Variants in MRC1 observed in about 807,000 individuals in gnomAD.
MRC1 encodes the protein macrophage mannose receptor 1.
Under a neutral mutation model 102.9 loss-of-function variants are expected in MRC1, and 62 were observed. The observed-to-expected ratio is 0.60, with a 90% CI of 0.49 to 0.74. The LOEUF (loss-of-function observed/expected upper bound fraction) is 0.74. Among genes scored for constraint, MRC1 ranks in the 30% least tolerant of loss-of-function variants. The pLI is 0.00. For synonymous variants in MRC1, 457 were observed against 298.4 expected (o/e 1.53, Z -5.48); for missense variants, 1,237 against 862.8 (o/e 1.43, Z -5.43).
intron 4 of MRC1, among the ~76,000 whole-genome samples, chr10:17,835,210 C>G (rs781871441): frequency 0.038 from 5,768 of 152,288 alleles, 140 homozygotes; most frequent in Non-Finnish European, 0.051. Flanking sequence ...AAATGCAATT[C>G]TATTTCCATC....
chr10:17,903,509 T>C (rs1376534214), intron 26 of MRC1, among the ~76,000 whole-genome samples: 1 of 150,808 alleles, frequency 6.6e-6, no homozygotes, highest in East Asian at 2.0e-4. Flanking sequence ...AGTTCTTCTG[T>C]CTCAGCCTCC....
intron 4 of MRC1, among the ~76,000 whole-genome samples, chr10:17,835,674 T>C (rs921996595): frequency 4.5e-4 from 68 of 152,144 alleles, no homozygotes; most frequent in African/African-American, 1.6e-3. Context: ...CATGTTAACA[T>C]GCAACAAAAT....
At chr10:17,897,918 G>A (rs1833777720) in intron 23 of MRC1, 116 bp from the exon 24 acceptor site, 3 of 762,208 alleles carry the variant, frequency 3.9e-6, no homozygotes, top group South Asian at 1.4e-5. Context: ...ACAGCTGAAT[G>A]TTTGGAGTTA....
At chr10:17,901,370 A>G (rs1302761708) in intron 25 of MRC1, among the ~76,000 whole-genome samples, 1 of 152,202 alleles carries the variant, frequency 6.6e-6, no homozygotes, top group African/African-American at 2.4e-5. Flanking sequence ...TCACTTTACA[A>G]ATTACTTTGT....
chr10:17,868,659 A>G (rs1833313107), intron 12 of MRC1, among the ~76,000 whole-genome samples: 1 of 152,226 alleles, frequency 6.6e-6, no homozygotes, highest in Non-Finnish European at 1.5e-5. Flanking sequence ...GCATATGGCC[A>G]TGACATGCCC....
At position 17,894,256 on chromosome 10, in the gene MRC1, A is replaced by G; in HGVS notation, c.3194A>G (p.Lys1065Arg). 1 of 872,686 alleles carries G rather than the reference A, an allele frequency of 1.1e-6. No individual in the cohort carries two copies. The highest frequency in any genetic ancestry group is 2.0e-6 in the Non-Finnish European group (1 of 501,506). The allele number at this position is 872,686 out of a possible 1,614,324, so 54.1% of individuals were successfully genotyped here. The change falls in exon 23 of 30, where the codon AAA becomes AGA. Residue 1065 changes from lysine (K) to arginine (R), a missense_variant. Physicochemically the swap from Lys to Arg is conservative, Grantham distance 26 (BLOSUM62 2). Coordinates refer to ENST00000569591, the MANE Select transcript of MRC1 (RefSeq NM_002438.4). ...IIGGASNEAG[K>R]WMDDTCDSKR... ...GGAGGTGCATCAAATGAAGCAGGAA[A>G]ATGGATGGATGATACCTGCGACAGT...
Position 17,881,094 on chromosome 10 carries a change from G to T in MRC1, c.2893G>T (p.Glu965Ter). The change falls in exon 21 of 30, where the codon GAA becomes TAA. Residue 965 changes from glutamate to a stop codon, truncating the protein, a stop_gained. Transcript: ENST00000569591. LOFTEE classifies it high-confidence loss of function. ...TTTCAAAATCTTTGGATTTATGGAA[G>T]AAGAAAGAAAAAATTGGCAAGAGGC... ...KCFKIFGFME[E>*]ERKNWQEARK... 1 of 780,710 alleles carries T rather than the reference G, an allele frequency of 1.3e-6. No individual in the cohort carries two copies. Among genetic ancestry groups the T allele is most frequent in the Non-Finnish European group, 2.4e-6 (1 of 417,926 alleles). 48.4% of individuals were successfully genotyped at this position (780,710 alleles called of 1,614,324 possible).
At chr10:17,832,983 T>C (rs536641141) in intron 3 of MRC1, among the ~76,000 whole-genome samples, 208 of 152,234 alleles carry the variant, frequency 1.4e-3, no homozygotes, top group Non-Finnish European at 2.1e-3. Flanking sequence ...ACTGTGAACA[T>C]TGTACCCAAT....
chr10:17,841,766 A>T (rs1167834508), intron 5 of MRC1, among the ~76,000 whole-genome samples: 1 of 141,186 alleles, frequency 7.1e-6, no homozygotes, highest in Non-Finnish European at 1.5e-5. Context: ...TTTAGGAAAG[A>T]GTGCAATTAA....
intron 9 of MRC1, 126 bp downstream of exon 9, chr10:17,856,478 A>G: frequency 1.5e-6 from 1 of 685,720 alleles, no homozygotes; most frequent in East Asian, 2.7e-5. Flanking sequence ...CTCAGTCTTC[A>G]ATAGTTTATT....
chr10:17,882,923 G>T (rs1363663650), intron 21 of MRC1, among the ~76,000 whole-genome samples: 3 of 152,162 alleles, frequency 2.0e-5, no homozygotes, highest in African/African-American at 7.2e-5. Context: ...ATAGAGATGT[G>T]CAGAAGGAAA....
intron 3 of MRC1, among the ~76,000 whole-genome samples, chr10:17,833,414 G>A (rs1389631908): frequency 3.3e-5 from 5 of 151,342 alleles, no homozygotes; most frequent in Non-Finnish European, 5.9e-5. Flanking sequence ...CCAGCTACTC[G>A]GTAAACTGAG....
chr10:17,870,169 CA>C (rs1160221247), intron 12 of MRC1, 76 bp from the exon 13 acceptor site: 1 of 729,308 alleles, frequency 1.4e-6, no homozygotes, highest in African/African-American at 1.8e-5. Flanking sequence ...GAACTCTCAT[CA>C]AAAGTAAATA....
intron 4 of MRC1, among the ~76,000 whole-genome samples, chr10:17,837,028 A>G (rs1017342433): frequency 2.0e-5 from 3 of 152,160 alleles, no homozygotes; most frequent in Non-Finnish European, 2.9e-5. Context: ...ACAGAGAAGG[A>G]GCAAGTGATC....
chr10:17,871,513 G>A (rs1305128743), intron 14 of MRC1, among the ~76,000 whole-genome samples: 1 of 152,150 alleles, frequency 6.6e-6, no homozygotes, highest in Non-Finnish European at 1.5e-5. Context: ...TTTAGTAGCT[G>A]TTAGCAATAT....
chr10:17,847,583 CA>C (rs1277817505), intron 6 of MRC1, among the ~76,000 whole-genome samples: 1 of 152,234 alleles, frequency 6.6e-6, no homozygotes, highest in African/African-American at 2.4e-5. Context: ...AATTCAACCT[CA>C]AACCCTGTGA....
At chr10:17,835,999 C>A (rs1429971149) in intron 4 of MRC1, among the ~76,000 whole-genome samples, 2 of 152,196 alleles carry the variant, frequency 1.3e-5, no homozygotes, top group East Asian at 3.8e-4. Context: ...AGGCTGAGAG[C>A]AAAGATTCTG....
At chr10:17,880,932 C>T in intron 20 of MRC1, 135 bp from the exon 21 acceptor site, 4 of 711,134 alleles carry the variant, frequency 5.6e-6, no homozygotes, top group Non-Finnish European at 1.0e-5. Flanking sequence ...TTTTTTAAAT[C>T]TCCAGTTGGT....
chr10:17,883,823 G>T (rs1235971560), intron 21 of MRC1, among the ~76,000 whole-genome samples: 1 of 152,188 alleles, frequency 6.6e-6, no homozygotes, highest in Non-Finnish European at 1.5e-5. Context: ...GGGAGGCCTG[G>T]AGGTACGCTG....
Sources: allele counts gnomAD v4.1 joint callset (sites outside exome capture counted in the v4.1 genomes callset), GRCh38; gene constraint gnomAD v4.1.1; transcripts MANE v1.5; gene names NCBI Gene and HGNC (gene_info 2026-07-23, HGNC 2026-07-21).